Variants in PCNX2 observed in about 807,000 individuals in gnomAD.
The protein encoded by PCNX2 is pecanex-like protein 2.
Under a neutral mutation model 223.8 loss-of-function variants are expected in PCNX2, and 168 were observed. The ratio of observed to expected loss-of-function variants is 0.75; its 90% CI spans 0.66 to 0.85. The LOEUF is 0.85. Ranked by LOEUF, PCNX2 falls within the 40% of genes least tolerant of loss-of-function variation. PCNX2 has a pLI of 0.00. For missense variants in PCNX2, 2,507 were observed against 2,675.5 expected (o/e 0.94, Z 1.39); for synonymous variants, 1,006 against 1,052.6 (o/e 0.96, Z 0.86).
chr1:233,019,840 G>A (rs1273725190), intron 26 of PCNX2, among the ~76,000 whole-genome samples: 1 of 152,146 alleles, frequency 6.6e-6, no homozygotes, highest in Non-Finnish European at 1.5e-5. Flanking sequence ...CTTGCCGGCT[G>A]GATCATTTAA....
At position 232,986,224 on chromosome 1, in the gene PCNX2, C is replaced by G. The variant is rs1156581685; in HGVS notation, c.6108G>C (p.Arg2036Ser). ...AAATGACGAGCGCGCTGGAAAAGCT[C>G]CTCTTGCCGAAGAGGAAGCTCAGGG... ...SSTLSFLFGK[R>S]SFSSALVISG... is the part of the protein sequence containing the mutation. Residue 2036 changes from arginine to serine, a missense_variant, in exon 33 of 34, where the codon AGG becomes AGC. Coordinates refer to ENST00000258229, the MANE Select transcript of PCNX2 (RefSeq NM_014801.4). 6.4e-7 allele frequency: 1 copy of G among 1,559,250 alleles called. No homozygotes were observed. The highest frequency in any genetic ancestry group is 8.7e-7 in the Non-Finnish European group (1 of 1,151,400).
chr1:233,230,902 CTA>C (rs1337401222), intron 9 of PCNX2, among the ~76,000 whole-genome samples: 1 of 152,136 alleles, frequency 6.6e-6, no homozygotes, highest in Non-Finnish European at 1.5e-5. Context: ...GAATAAAAGA[CTA>C]TGTCTTCTGA....
At chr1:233,095,679 C>T in intron 22 of PCNX2, 76 bp downstream of exon 22, 2 of 1,278,502 alleles carry the variant, frequency 1.6e-6, no homozygotes, top group Non-Finnish European at 2.2e-6. Flanking sequence ...TTTTTATTGC[C>T]AGGGGTCAAT....
chr1:233,014,598 A>C, intron 28 of PCNX2, 67 bp downstream of exon 28: 2 of 1,259,162 alleles, frequency 1.6e-6, no homozygotes, highest in Non-Finnish European at 2.3e-6. Context: ...AATGATTGAC[A>C]AAATCTGTCA....
At chr1:233,019,044 C>T in intron 26 of PCNX2, 4 of 985,386 alleles carry the variant, frequency 4.1e-6, no homozygotes, top group Non-Finnish European at 3.6e-6. Flanking sequence ...AAATAAAACC[C>T]AGAGCTCAAG....
intron 25 of PCNX2, among the ~76,000 whole-genome samples, chr1:233,041,400 C>T (rs147480834): frequency 2.3e-3 from 348 of 152,340 alleles, no homozygotes; most frequent in Non-Finnish European, 4.2e-3. Flanking sequence ...AAATTCCACA[C>T]CTGACCTCTT....
intron 1 of PCNX2, chr1:233,285,003 C>A: frequency 1.0e-6 from 1 of 985,194 alleles, no homozygotes; most frequent in Non-Finnish European, 1.2e-6. Context: ...ATGAGCAGGA[C>A]CCCCTGCTAA....
At chr1:233,303,961 TTA>T in the PCNX2 span, among the ~76,000 whole-genome samples, 2 of 152,240 alleles carry the variant, frequency 1.3e-5, no homozygotes, top group African/African-American at 4.8e-5. Context: ...ATTAGAATAT[TTA>T]GTCTGTTACA....
intron 1 of PCNX2, chr1:233,289,445 C>A (rs1041268630): frequency 3.6e-6 from 5 of 1,370,012 alleles, no homozygotes; most frequent in Non-Finnish European, 5.2e-6. Context: ...TCGTACTGAA[C>A]ATGGCCTTCT....
chr1:233,266,061 TG>T (rs1660315711), intron 1 of PCNX2, among the ~76,000 whole-genome samples: 1 of 152,188 alleles, frequency 6.6e-6, no homozygotes, highest in South Asian at 2.1e-4. Context: ...AAGGACCACT[TG>T]GCACTTTGTC....
intron 21 of PCNX2, among the ~76,000 whole-genome samples, chr1:233,122,543 G>A (rs950433495): frequency 7.0e-6 from 1 of 142,694 alleles, no homozygotes; most frequent in Non-Finnish European, 1.5e-5. Context: ...TTTTTTTTGA[G>A]ATGTAGTTTC....
At chr1:233,299,030 G>T (rs762029585), upstream of PCNX2, among the ~76,000 whole-genome samples, 2 of 152,048 alleles carry the variant, frequency 1.3e-5, no homozygotes, top group Non-Finnish European at 2.9e-5. Context: ...CCTGAATTTC[G>T]ATTTAAATCC....
chr1:233,252,665 G>C lies in PCNX2; in HGVS notation c.1958C>G (p.Thr653Ser). 1 of 1,613,196 alleles carries C rather than the reference G, an allele frequency of 6.2e-7. No individual in the cohort carries two copies. Among genetic ancestry groups the C allele is most frequent in the Non-Finnish European group, 8.5e-7 (1 of 1,179,686 alleles). The part of the protein sequence containing the change: ...QDHTSTGPAC[T>S]QPAKTTAFFQ... ...CAAGGCTGTGGTCTTGGCAGGCTGA[G>C]TGCATGCGGGGCCGGTGCTAGTATG... Residue 653 changes from threonine (T) to serine (S), a missense_variant, in exon 6 of 34, where the codon ACT becomes AGT. Coordinates refer to ENST00000258229, the MANE Select transcript of PCNX2 (RefSeq NM_014801.4).
rs77925495 is a variant in PCNX2 at position 233,166,401 on chromosome 1, A to C, written c.3274-5038T>G. Among the ~76,000 whole-genome samples, 671 of 152,204 alleles carry C rather than the reference A, an allele frequency of 4.4e-3. 5 individuals are homozygous for C. The highest frequency in any genetic ancestry group is 0.016 in the African/African-American group (651 of 41,532). On this transcript the variant is annotated intron_variant, in intron 17 of 33. Coordinates refer to ENST00000258229, the MANE Select transcript of PCNX2 (RefSeq NM_014801.4). Reference sequence around the variant, plus strand: ...TAAAAGAAAAAATTAAATAAATTGGACATCACAAAAATGTAAAACTTTTGC... The same window carrying C: ...TAAAAGAAAAAATTAAATAAATTGGCCATCACAAAAATGTAAAACTTTTGC...
At chr1:233,123,002 C>T (rs187177098) in intron 21 of PCNX2, among the ~76,000 whole-genome samples, 2 of 152,214 alleles carry the variant, frequency 1.3e-5, no homozygotes, top group African/African-American at 4.8e-5. Context: ...ACATGGAAAA[C>T]ATCAGAAACT....
At chr1:233,158,751 T>C (rs1392909011) in intron 19 of PCNX2, among the ~76,000 whole-genome samples, 1 of 152,206 alleles carries the variant, frequency 6.6e-6, no homozygotes, top group East Asian at 1.9e-4. Context: ...AACTTAACAA[T>C]AATGTCAAAA....
chr1:233,057,264 G>C lies in PCNX2; in HGVS notation c.4103C>G (p.Thr1368Arg). 1.2e-6 allele frequency: 2 copies of C among 1,610,514 alleles called. No homozygotes were observed. Among genetic ancestry groups the C allele is most frequent in the Middle Eastern group, 1.6e-4 (1 of 6,062 alleles). Residue 1368 changes from threonine to arginine, a missense_variant, in exon 24 of 34, where the codon ACA (threonine) becomes AGA (arginine). Coordinates refer to ENST00000258229, the MANE Select transcript of PCNX2 (RefSeq NM_014801.4). The stretch of plus-strand genomic sequence containing the variant: ...TCTTTCAATTTGGACTGCCAGTCTT[G>C]TGTTGGAATTATCCACTCGCCTTGT... ...YNTRRVDNSN[T>R]RLAVQIERDP...
intron 21 of PCNX2, chr1:233,112,781 A>G: frequency 1.7e-6 from 2 of 1,190,306 alleles, no homozygotes; most frequent in Non-Finnish European, 2.1e-6. Context: ...AAATGAAGAA[A>G]AAAATTTTAA....
At chr1:233,203,761 G>A (rs1681273929) in intron 13 of PCNX2, among the ~76,000 whole-genome samples, 1 of 152,134 alleles carries the variant, frequency 6.6e-6, no homozygotes, top group African/African-American at 2.4e-5. Context: ...CTCGCTCCTT[G>A]ACTGTCCCTC....
Sources: allele counts gnomAD v4.1 joint callset (sites outside exome capture counted in the v4.1 genomes callset), GRCh38; gene constraint gnomAD v4.1.1; transcripts MANE v1.5; gene names NCBI Gene and HGNC (gene_info 2026-07-23, HGNC 2026-07-21).